ANKHD1: variants seen among roughly 807,000 people sequenced by gnomAD.
ANKHD1 encodes the protein ankyrin repeat and KH domain-containing protein 1.
A neutral mutation model predicts 230.5 loss-of-function variants in ANKHD1; 31 were observed. The observed-to-expected ratio is 0.13, with a 90% CI of 0.10 to 0.18. The LOEUF is 0.18. Ranked by LOEUF, ANKHD1 falls within the 10% of genes least tolerant of loss-of-function variation. The pLI, the probability that ANKHD1 is intolerant of heterozygous loss-of-function variation, is 1.00. For synonymous variants in ANKHD1, 1,074 were observed against 1,117.6 expected (o/e 0.96, Z 0.78); for missense variants, 2,256 against 3,071.3 (o/e 0.73, Z 6.27).
chr5:140,535,045 C>A (rs1028310903), intron 29 of ANKHD1, among the ~76,000 whole-genome samples: 13 of 152,192 alleles, frequency 8.5e-5, no homozygotes, highest in Non-Finnish European at 1.8e-4. Flanking sequence ...CATTTCATAT[C>A]CCCTCCAGTT....
At chr5:140,508,587 T>C (rs1178857007) in intron 20 of ANKHD1, among the ~76,000 whole-genome samples, 1 of 152,068 alleles carries the variant, frequency 6.6e-6, no homozygotes, top group Non-Finnish European at 1.5e-5. Flanking sequence ...AACCCCCGTC[T>C]CTACTAAAAG....
In ANKHD1 at chr5:140,485,798, A is replaced by T; in HGVS notation, c.2142+66A>T. ...TCAACATGATTAGAAGTTTTTGTTT[A>T]AAATCAGTTTTAAGCAAAATGGACT... On this transcript the variant is annotated intron_variant, in intron 13 of 33. Transcript: ENST00000360839. The surrounding 1 kb of genome is among the most constrained non-coding windows in gnomAD (Gnocchi z 4.8). 6.3e-7 allele frequency: 1 copy of T among 1,587,188 alleles called. No homozygotes were observed. The highest frequency in any genetic ancestry group is 1.2e-5 in the South Asian group (1 of 84,946).
intron 5 of ANKHD1, 63 bp downstream of exon 5, chr5:140,441,205 G>C (rs535753269): frequency 2.1e-6 from 3 of 1,403,924 alleles, no homozygotes; most frequent in East Asian, 5.3e-5. Flanking sequence ...CTGAGAGAGA[G>C]AAAAATTAGA....
chr5:140,493,773 C>G (rs1469050000), intron 14 of ANKHD1, among the ~76,000 whole-genome samples: 1 of 152,118 alleles, frequency 6.6e-6, no homozygotes, highest in Non-Finnish European at 1.5e-5. Flanking sequence ...TATAGTTTGT[C>G]TATTCATAAA....
At chr5:140,424,308 A>G (rs1772230990) in intron 1 of ANKHD1, among the ~76,000 whole-genome samples, 1 of 151,924 alleles carries the variant, frequency 6.6e-6, no homozygotes, top group Non-Finnish European at 1.5e-5. Flanking sequence ...CATCTAGACA[A>G]TATCTTGTTC....
chr5:140,422,680 C>T (rs1227050754), intron 1 of ANKHD1, among the ~76,000 whole-genome samples: 1 of 150,716 alleles, frequency 6.6e-6, no homozygotes, highest in Non-Finnish European at 1.5e-5. Context: ...TGTAGTGGTA[C>T]GCACCTGTAA....
chr5:140,519,893 A>T (rs1304971163), intron 24 of ANKHD1, among the ~76,000 whole-genome samples: 1 of 152,044 alleles, frequency 6.6e-6, no homozygotes, highest in African/African-American at 2.4e-5. Flanking sequence ...CTAAAACACC[A>T]AAAGCAATGG....
At chr5:140,423,273 T>C (rs966152215) in intron 1 of ANKHD1, among the ~76,000 whole-genome samples, 1 of 152,200 alleles carries the variant, frequency 6.6e-6, no homozygotes, top group African/African-American at 2.4e-5. Flanking sequence ...TTCTAGGCAT[T>C]GTGCACTTTA....
Position 140,512,775 on chromosome 5 carries a change from T to G in ANKHD1, c.4105-53T>G, listed in dbSNP as rs967504966. ...TTTTACTTTCTTTTATTCTTAAGAA[T>G]AATAATTTTTCTTTTCATGCTACCT... On this transcript the variant is annotated intron_variant, in intron 22 of 33. Coordinates refer to ENST00000360839, the MANE Select transcript of ANKHD1 (RefSeq NM_017747.3). The G allele has an allele frequency of 2.6e-5, 38 of 1,466,350 alleles. No individual in the cohort carries two copies. In the African/African-American group the frequency reaches 4.9e-4, roughly 19 times the overall value. The allele number at this position is 1,466,350 out of a possible 1,614,324, so 90.8% of individuals were successfully genotyped here.
At chr5:140,453,516 T>C (rs1362074878) in intron 7 of ANKHD1, among the ~76,000 whole-genome samples, 5 of 152,206 alleles carry the variant, frequency 3.3e-5, no homozygotes, top group African/African-American at 9.6e-5. Context: ...GCGGATCTCT[T>C]GGCAGAAACT....
intron 15 of ANKHD1, chr5:140,498,224 A>T (rs1301524407): frequency 6.6e-6 from 1 of 151,884 alleles, no homozygotes; most frequent in African/African-American, 2.4e-5. Context: ...TGATTGCAAC[A>T]TTTTTTTCCT....
chr5:140,454,530 A>G (rs1245454997), intron 7 of ANKHD1, among the ~76,000 whole-genome samples: 2 of 152,262 alleles, frequency 1.3e-5, no homozygotes, highest in African/African-American at 2.4e-5. Context: ...CCACAATGCA[A>G]TCAAACTAGA....
intron 1 of ANKHD1, among the ~76,000 whole-genome samples, chr5:140,430,854 A>G (rs908158755): frequency 6.6e-6 from 1 of 151,810 alleles, no homozygotes; most frequent in African/African-American, 2.4e-5. Context: ...TCGTAGAGAC[A>G]AGGTCTCACT....
chr5:140,459,259 A>C lies in ANKHD1; in HGVS notation c.1576A>C (p.Lys526Gln). Residue 526 changes from lysine to glutamine, a missense_variant, in exon 9 of 34, where the codon AAG becomes CAG. By Grantham distance (53) the Lys-to-Gln change is moderately conservative. Around this residue, in one of 13 missense-constraint regions of ANKHD1, gnomAD observed 179 missense variants for 261.8 expected, o/e 0.68. Coordinates refer to ENST00000360839, the MANE Select transcript of ANKHD1 (RefSeq NM_017747.3). Reference protein sequence around the residue: ...GFSEVADFLIKAGADIELGCS... With the variant: ...GFSEVADFLIQAGADIELGCS... ...TTCTGAAGTTGCAGACTTTCTTATT[A>C]AGGCAGGGGCTGATATAGAACTTGG... is the stretch of plus-strand genomic sequence containing the variant. 1 of 1,603,766 alleles carries C rather than the reference A, an allele frequency of 6.2e-7. No individual in the cohort carries two copies. Among genetic ancestry groups the C allele is most frequent in the Non-Finnish European group, 8.5e-7 (1 of 1,172,732 alleles).
At chr5:140,432,809 A>G (rs1391895076) in intron 1 of ANKHD1, among the ~76,000 whole-genome samples, 3 of 152,058 alleles carry the variant, frequency 2.0e-5, no homozygotes, top group African/African-American at 7.2e-5. Context: ...CTGGGCTCAA[A>G]TGATCCACCT....
intron 29 of ANKHD1, among the ~76,000 whole-genome samples, chr5:140,532,587 C>T (rs1753882268): frequency 6.6e-6 from 1 of 152,036 alleles, no homozygotes; most frequent in African/African-American, 2.4e-5. Context: ...CGGGTGTGAG[C>T]CACCATGCCC....
At position 140,476,363 on chromosome 5, in the gene ANKHD1, A is replaced by G. The variant is rs115571269; in HGVS notation, c.1783-6217A>G. Among the ~76,000 whole-genome samples, 511 of 152,234 alleles carry G rather than the reference A, an allele frequency of 3.4e-3. 2 individuals carry two copies. Among genetic ancestry groups the G allele is most frequent in the African/African-American group, 0.012 (491 of 41,576 alleles). On this transcript the variant is annotated intron_variant, in intron 10 of 33. Transcript: ENST00000360839. ...TTTTCTAGCATTGTGACTAGACATGAATCCTTGACTGAAGAATCATATCCA... is the reference window on the plus strand; with the variant it reads ...TTTTCTAGCATTGTGACTAGACATGGATCCTTGACTGAAGAATCATATCCA...
At chr5:140,459,141 T>A (rs774539099) in intron 8 of ANKHD1, 23 bp from the exon 9 acceptor site, 1 of 1,495,052 alleles carries the variant, frequency 6.7e-7, no homozygotes, top group Non-Finnish European at 8.9e-7. Context: ...CAACTAATTT[T>A]ATCTGTTTTT....
At chr5:140,406,305 G>A (rs1378279685) in intron 1 of ANKHD1, among the ~76,000 whole-genome samples, 1 of 152,038 alleles carries the variant, frequency 6.6e-6, no homozygotes, top group East Asian at 1.9e-4. Flanking sequence ...ATGAATTGGT[G>A]TGTAGTTTGG....
Sources: allele counts gnomAD v4.1 joint callset (sites outside exome capture counted in the v4.1 genomes callset), GRCh38; gene constraint gnomAD v4.1.1; regional missense constraint gnomAD v4.1.1; non-coding constraint Gnocchi (gnomAD v3.1); transcripts MANE v1.5; gene names NCBI Gene and HGNC (gene_info 2026-07-23, HGNC 2026-07-21).